TTC8: variants seen among roughly 807,000 people sequenced by gnomAD.
The protein encoded by TTC8 is tetratricopeptide repeat protein 8.
A neutral mutation model predicts 72.5 loss-of-function variants in TTC8; 47 were observed. That is an observed-to-expected ratio of 0.65 (90% confidence interval 0.51 to 0.83). The LOEUF is 0.83. Among genes scored for constraint, TTC8 ranks in the 40% least tolerant of loss-of-function variants. The probability of loss-of-function intolerance (pLI) is 0.00; values close to 1 mark genes in which losing one functional copy is unlikely to be tolerated. For synonymous variants in TTC8, 199 were observed against 221.4 expected (o/e 0.90, Z 0.90); for missense variants, 611 against 623.2 (o/e 0.98, Z 0.21).
chr14:88,837,847 C>G (rs535631844), intron 2 of TTC8, among the ~76,000 whole-genome samples: 14 of 152,064 alleles, frequency 9.2e-5, no homozygotes, highest in African/African-American at 3.4e-4. Context: ...TTTGTTGGCT[C>G]TCACAGTTCC....
At chr14:88,851,365 G>T (rs993453738) in intron 7 of TTC8, among the ~76,000 whole-genome samples, 3 of 152,104 alleles carry the variant, frequency 2.0e-5, no homozygotes, top group African/African-American at 7.2e-5. Context: ...TTCTCCATAG[G>T]ATGAGTTGTT....
intron 10 of TTC8, among the ~76,000 whole-genome samples, chr14:88,862,590 ATAT>A (rs2094892509): frequency 2.6e-5 from 2 of 76,066 alleles, no homozygotes; most frequent in Non-Finnish European, 5.0e-5. Flanking sequence ...ATATATATAT[ATAT>A]ATATTTAGAG....
At chr14:88,869,383 G>A (rs574008346) in intron 10 of TTC8, among the ~76,000 whole-genome samples, 2 of 151,638 alleles carry the variant, frequency 1.3e-5, no homozygotes, top group Non-Finnish European at 2.9e-5. Context: ...CTGGACTTTT[G>A]ATCTTCCTGC....
At chr14:88,833,152 T>C (rs1488782837) in intron 1 of TTC8, among the ~76,000 whole-genome samples, 3 of 152,206 alleles carry the variant, frequency 2.0e-5, no homozygotes, top group Non-Finnish European at 4.4e-5. Context: ...TCAACAGACA[T>C]TGCTGACTAG....
rs765256451 is a variant in TTC8, at chr14:88,837,025, T to C, written c.145-2427T>C. 3.7e-5 allele frequency: 10 copies of C among 270,980 alleles called. No individual in the cohort carries two copies. The East Asian group carries it at 1.4e-3, about 39-fold the overall frequency. 16.8% of individuals were successfully genotyped at this position (270,980 alleles called of 1,614,324 possible). ...GCAGCAAGCCGAGATCACGCCATTG[T>C]ACTCCAGCTTGGGCAACAAGAGCAA... is the stretch of plus-strand genomic sequence containing the variant. On this transcript the variant is annotated intron_variant, in intron 2 of 14. Transcript: ENST00000380656.
intron 10 of TTC8, among the ~76,000 whole-genome samples, chr14:88,868,100 T>C (rs1399218987): frequency 2.0e-5 from 3 of 152,194 alleles, no homozygotes; most frequent in Non-Finnish European, 4.4e-5. Flanking sequence ...GTGGAGCTTT[T>C]GGCTTTAGAC....
chr14:88,837,310 T>G (rs1470370726), intron 2 of TTC8, among the ~76,000 whole-genome samples: 1 of 152,176 alleles, frequency 6.6e-6, no homozygotes, highest in Non-Finnish European at 1.5e-5. Flanking sequence ...CCACTTTGCC[T>G]GTCCGCTGGG....
chr14:88,846,892 G>T, intron 7 of TTC8: 1 of 324,274 alleles, frequency 3.1e-6, no homozygotes, highest in East Asian at 5.6e-5. Flanking sequence ...ACCCTAATAC[G>T]TAAAACAGAC....
intron 1 of TTC8, among the ~76,000 whole-genome samples, chr14:88,832,323 T>C (rs1460956336): frequency 1.3e-5 from 2 of 152,222 alleles, no homozygotes; most frequent in East Asian, 3.9e-4. Context: ...CCAGTATCAG[T>C]GGCTTCTGTC....
At chr14:88,878,694 G>A (rs185740949), downstream of TTC8, 243 of 152,102 alleles carry the variant, frequency 1.6e-3, 1 homozygote, top group African/African-American at 5.6e-3. Flanking sequence ...TCCTAATATC[G>A]TAGTCAATAT....
At chr14:88,860,513 C>T (rs2094880461) in intron 9 of TTC8, among the ~76,000 whole-genome samples, 1 of 152,210 alleles carries the variant, frequency 6.6e-6, no homozygotes, top group African/African-American at 2.4e-5. Context: ...CTATCTCTCT[C>T]AGGCCTTGTT....
chr14:88,839,475 A>G lies in TTC8; in HGVS notation c.168A>G (p.Arg56=). ...AGGCAGCTTGGATCTTAAAAGCAAG[A>G]GCGCTAACAGAAATGGTATACATAG... is the stretch of plus-strand genomic sequence containing the variant. The part of the protein sequence containing the change: ...VHQAAWILKA[R]ALTEMVYIDE... The change falls in exon 3 of 15, where the codon AGA becomes AGG. Residue 56 remains arginine (R), a synonymous_variant. Transcript: ENST00000380656. 2 of 1,613,124 alleles carry G rather than the reference A, an allele frequency of 1.2e-6. No homozygotes were observed. The highest frequency in any genetic ancestry group is 1.7e-6 in the Non-Finnish European group (2 of 1,179,424).
chr14:88,827,607 A>G (rs1294175052), intron 1 of TTC8, among the ~76,000 whole-genome samples: 1 of 152,164 alleles, frequency 6.6e-6, no homozygotes, highest in Non-Finnish European at 1.5e-5. Flanking sequence ...GGGCTTACTC[A>G]TGTTAGTCAT....
intron 2 of TTC8, 135 bp downstream of exon 2, chr14:88,833,857 C>A: frequency 1.3e-6 from 1 of 756,156 alleles, no homozygotes; most frequent in Non-Finnish European, 2.4e-6. Flanking sequence ...GTCAGACATT[C>A]TGTGCCTTCT....
At chr14:88,859,116 T>C (rs999780346) in intron 9 of TTC8, among the ~76,000 whole-genome samples, 4 of 152,184 alleles carry the variant, frequency 2.6e-5, no homozygotes, top group Admixed American at 2.0e-4. Context: ...CACAACTATA[T>C]AGAGGTAGAA....
chr14:88,860,987 A>T (rs925797168), intron 9 of TTC8, among the ~76,000 whole-genome samples: 17 of 151,594 alleles, frequency 1.1e-4, no homozygotes, highest in African/African-American at 3.6e-4. Context: ...TATTTTTTGT[A>T]GAGATGGGGT....
chr14:88,870,001 AAAT>A, intron 10 of TTC8, 55 bp from the exon 11 acceptor site: 1 of 1,587,054 alleles, frequency 6.3e-7, no homozygotes, highest in Non-Finnish European at 8.6e-7. Flanking sequence ...AGTCAGAAAA[AAAT>A]AATTTTTTGT....
At chr14:88,847,198 G>C (rs942693861) in intron 7 of TTC8, among the ~76,000 whole-genome samples, 1 of 152,176 alleles carries the variant, frequency 6.6e-6, no homozygotes, top group African/African-American at 2.4e-5. Context: ...TACTGCCTTA[G>C]AATATAGTAG....
intron 7 of TTC8, among the ~76,000 whole-genome samples, chr14:88,844,797 C>T (rs1041916386): frequency 1.4e-4 from 21 of 152,000 alleles, no homozygotes; most frequent in Non-Finnish European, 1.2e-4. Context: ...AGTGATCCTC[C>T]TGCCTCAGCT....
Sources: allele counts gnomAD v4.1 joint callset (sites outside exome capture counted in the v4.1 genomes callset), GRCh38; gene constraint gnomAD v4.1.1; transcripts MANE v1.5; gene names NCBI Gene and HGNC (gene_info 2026-07-23, HGNC 2026-07-21).